CAMSAP2: variants seen among roughly 807,000 people sequenced by gnomAD.
The protein encoded by CAMSAP2 is calmodulin-regulated spectrin-associated protein 2.
CAMSAP2 carries 26 observed loss-of-function variants against 146.1 expected under a neutral mutation model. The ratio of observed to expected loss-of-function variants is 0.18; its 90% CI spans 0.13 to 0.25. CAMSAP2 has a LOEUF of 0.25. Among genes scored for constraint, CAMSAP2 ranks in the 10% least tolerant of loss-of-function variants. The probability of loss-of-function intolerance (pLI) is 1.00; values close to 1 mark genes in which losing one functional copy is unlikely to be tolerated. For synonymous variants in CAMSAP2, 499 were observed against 596.6 expected, an observed-to-expected ratio of 0.84 and a Z score of 2.38; for missense variants, 1,381 against 1,759.3, an observed-to-expected ratio of 0.78 and a Z score of 3.85.
intron 7 of CAMSAP2, among the ~76,000 whole-genome samples, chr1:200,842,447 G>A (rs908232672): frequency 6.6e-6 from 1 of 152,060 alleles, no homozygotes; most frequent in African/African-American, 2.4e-5. Context: ...CCCGCAACTC[G>A]AATTTGCCAT....
chr1:200,852,903 T>C (rs2102262248), intron 12 of CAMSAP2, among the ~76,000 whole-genome samples: 1 of 152,314 alleles, frequency 6.6e-6, no homozygotes, highest in South Asian at 2.1e-4. Flanking sequence ...TTTATATTTT[T>C]ATCTTAAGTT....
intron 2 of CAMSAP2, among the ~76,000 whole-genome samples, chr1:200,777,286 TTTGAAGAGAGAAA>T (rs1385797291): frequency 6.6e-6 from 1 of 152,190 alleles, no homozygotes; most frequent in Non-Finnish European, 1.5e-5. Flanking sequence ...CTCATGGTGC[TTTGAAGAGAGAAA>T]TTATTTCCTT....
chr1:200,847,685 T>C lies in CAMSAP2; in HGVS notation c.1238T>C (p.Ile413Thr), dbSNP rs1462787241. Residue 413 changes from isoleucine to threonine, a missense_variant, in exon 10 of 17, where the codon ATA (isoleucine) becomes ACA (threonine). Coordinates refer to ENST00000358823, the MANE Select transcript of CAMSAP2 (RefSeq NM_203459.4). ...SSSMSYVDGFIGTWPKEKRSS... is the reference protein window; with the variant it reads ...SSSMSYVDGFTGTWPKEKRSS... ...TCTATGTCTTATGTTGATGGCTTCA[T>C]AGGGACATGGCCCAAAGAGAAAAGG... 4 of 1,612,602 alleles carry C rather than the reference T, an allele frequency of 2.5e-6. No individual in the cohort carries two copies. The highest frequency in any genetic ancestry group is 3.4e-6 in the Non-Finnish European group (4 of 1,179,072).
At chr1:200,847,383 G>C in intron 9 of CAMSAP2, 91 bp downstream of exon 9, 1 of 1,029,846 alleles carries the variant, frequency 9.7e-7, no homozygotes, top group Non-Finnish European at 1.4e-6. Flanking sequence ...CAAATATCCA[G>C]GGTTTTTTTG....
intron 2 of CAMSAP2, 143 bp from the exon 3 acceptor site, chr1:200,807,233 T>A: frequency 1.9e-6 from 1 of 534,328 alleles, no homozygotes; most frequent in Non-Finnish European, 3.0e-6. Context: ...CTTTAGCATG[T>A]ACAATTTATG....
rs771929119 is a variant in CAMSAP2 at position 200,849,398 on chromosome 1, A to AT, written c.2633dup (p.Leu878PhefsTer8). 6.2e-7 allele frequency: 1 copy of AT among 1,614,116 alleles called. No homozygotes were observed. The highest frequency in any genetic ancestry group is 8.5e-7 in the Non-Finnish European group (1 of 1,179,996). On this transcript the variant is annotated frameshift_variant, in exon 11 of 17. Coordinates refer to ENST00000358823, the MANE Select transcript of CAMSAP2 (RefSeq NM_203459.4). LOFTEE classifies it high-confidence loss of function. This position sits in a 1 kb window ranked among gnomAD's most constrained non-coding sequence, Gnocchi z 6.3. Reference sequence around the variant, plus strand: ...AGAAGAAACTTTAAATGAAGGAGAGATTTTAGAATATACCAAATCCATTGA... The same window carrying AT: ...AGAAGAAACTTTAAATGAAGGAGAGATTTTTAGAATATACCAAATCCATTGA...
chr1:200,747,654 T>C (rs1664373107), intron 1 of CAMSAP2, among the ~76,000 whole-genome samples: 1 of 150,250 alleles, frequency 6.7e-6, no homozygotes, highest in Non-Finnish European at 1.5e-5. Flanking sequence ...TCTGTGATTC[T>C]TTTAGCTGTG....
At chr1:200,839,065 C>T (rs532580128) in intron 6 of CAMSAP2, among the ~76,000 whole-genome samples, 1 of 152,210 alleles carries the variant, frequency 6.6e-6, no homozygotes, top group South Asian at 2.1e-4. Flanking sequence ...AGAAAATGCT[C>T]GGTAGGCCAC....
chr1:200,832,381 T>G lies in CAMSAP2; in HGVS notation c.787+40T>G. The G allele has an allele frequency of 6.4e-7, 1 of 1,558,138 alleles. No homozygotes were observed. The highest frequency in any genetic ancestry group is 8.7e-7 in the Non-Finnish European group (1 of 1,151,780). ...GTAATACTTCTGAACTGTAGACAGA[T>G]AGTAACCAATATTTAAGACAGTATT... On this transcript the variant is annotated intron_variant, in intron 5 of 16. Coordinates refer to ENST00000358823, the MANE Select transcript of CAMSAP2 (RefSeq NM_203459.4). The surrounding 1 kb of genome is among the most constrained non-coding windows in gnomAD (Gnocchi z 4.2).
At chr1:200,768,717 G>T (rs1440380236) in intron 2 of CAMSAP2, among the ~76,000 whole-genome samples, 3 of 151,942 alleles carry the variant, frequency 2.0e-5, no homozygotes, top group Non-Finnish European at 4.4e-5. Context: ...GCAGTGGCGC[G>T]ATCTCGGCTC....
intron 2 of CAMSAP2, among the ~76,000 whole-genome samples, chr1:200,762,377 A>G (rs2103003479): frequency 6.6e-6 from 1 of 152,324 alleles, no homozygotes; most frequent in Non-Finnish European, 1.5e-5. Context: ...AAATCACCTT[A>G]TAGTTACCCT....
In CAMSAP2 at chr1:200,848,766, G is replaced by A; in HGVS notation, c.1997G>A (p.Ser666Asn). 2 of 1,614,172 alleles carry A rather than the reference G, an allele frequency of 1.2e-6. No individual in the cohort carries two copies. The highest frequency in any genetic ancestry group is 1.7e-6 in the Non-Finnish European group (2 of 1,180,014). ...NTREALSPCP[S>N]TVSTKSQPGS... is the part of the protein sequence containing the mutation. ...AGGGAAGCTTTGAGTCCTTGTCCAA[G>A]TACTGTAAGTACCAAGTCTCAGCCA... The change falls in exon 11 of 17, where the codon AGT (serine) becomes AAT (asparagine). Residue 666 changes from serine (S) to asparagine (N), a missense_variant. By Grantham distance (46) the Ser-to-Asn change is conservative. Transcript: ENST00000358823.
At chr1:200,769,850 T>C (rs187804394) in intron 2 of CAMSAP2, among the ~76,000 whole-genome samples, 1 of 152,196 alleles carries the variant, frequency 6.6e-6, no homozygotes, top group East Asian at 1.9e-4. Flanking sequence ...GGTGGGACTG[T>C]CTCATAGAGG....
chr1:200,793,475 A>G (rs1012339430), intron 2 of CAMSAP2, among the ~76,000 whole-genome samples: 2 of 152,178 alleles, frequency 1.3e-5, no homozygotes, highest in Non-Finnish European at 2.9e-5. Flanking sequence ...AGTAACAACT[A>G]AAAGAAATAC....
chr1:200,748,668 A>C (rs1484901579), intron 1 of CAMSAP2, among the ~76,000 whole-genome samples: 1 of 151,654 alleles, frequency 6.6e-6, no homozygotes, highest in Non-Finnish European at 1.5e-5. Flanking sequence ...TACAGTTTGG[A>C]GCTCCATGAT....
chr1:200,752,056 T>C (rs546287154), intron 1 of CAMSAP2, among the ~76,000 whole-genome samples: 1 of 152,170 alleles, frequency 6.6e-6, no homozygotes, highest in Non-Finnish European at 1.5e-5. Context: ...ACATAATCTG[T>C]GGCTCAAAGG....
At chr1:200,796,656 C>G (rs1665891439) in intron 2 of CAMSAP2, among the ~76,000 whole-genome samples, 1 of 150,058 alleles carries the variant, frequency 6.7e-6, no homozygotes. Context: ...GTTTTCAGAG[C>G]ATAAGTTTTT....
chr1:200,814,056 C>A (rs940095150), intron 3 of CAMSAP2, among the ~76,000 whole-genome samples: 1 of 139,318 alleles, frequency 7.2e-6, no homozygotes, highest in African/African-American at 2.7e-5. Context: ...TGTAGTAAGT[C>A]GAGATCACGC....
intron 2 of CAMSAP2, among the ~76,000 whole-genome samples, chr1:200,767,778 G>A (rs1664996971): frequency 1.3e-5 from 2 of 152,082 alleles, no homozygotes; most frequent in Admixed American, 6.6e-5. Context: ...TCTTCTTCAT[G>A]CACAGTGCTA....
Sources: allele counts gnomAD v4.1 joint callset (sites outside exome capture counted in the v4.1 genomes callset), GRCh38; gene constraint gnomAD v4.1.1; non-coding constraint Gnocchi (gnomAD v3.1); transcripts MANE v1.5; gene names NCBI Gene and HGNC (gene_info 2026-07-23, HGNC 2026-07-21).